The following ZNF808 variants were observed in gnomAD, a reference collection of about 807,000 sequenced individuals.
ZNF808 encodes the protein zinc finger protein 808.
Under a neutral mutation model 8.7 loss-of-function variants are expected in ZNF808, and 5 were observed. That is an observed-to-expected ratio of 0.58 (90% confidence interval 0.30 to 1.21). The LOEUF (loss-of-function observed/expected upper bound fraction) is 1.21, where lower values mean the gene tolerates loss of function less well. Among genes scored for constraint, ZNF808 ranks in the 50% most tolerant of loss-of-function variants. ZNF808 has a pLI of 0.07. For synonymous variants in ZNF808, 380 were observed against 366.0 expected (o/e 1.04, Z -0.44); for missense variants, 1,103 against 1,098.4 (o/e 1.00, Z -0.06).
rs2059806169 is a variant in ZNF808, at chr19:52,554,029, C to G, written c.1113C>G (p.Tyr371Ter). 2 of 1,614,088 alleles carry G rather than the reference C, an allele frequency of 1.2e-6. No homozygotes were observed. The highest frequency in any genetic ancestry group is 1.7e-6 in the Non-Finnish European group (2 of 1,180,006). The change falls in exon 5 of 5, where the codon TAC becomes TAG. Residue 371 changes from tyrosine to a stop codon, truncating the protein, a stop_gained. Transcript: ENST00000359798. LOFTEE classifies it low-confidence loss of function (END_TRUNC). ...GACTTCATACTGGAGTGAAACCTTA[C>G]AAATGTAAGATTTGTGAGAAGGCTT... Reference protein sequence around the residue: ...HQRLHTGVKPYKCKICEKAFA... With the variant: ...HQRLHTGVKP
chr19:52,557,029 G>A (rs1212026253), downstream of ZNF808, among the ~76,000 whole-genome samples: 2 of 152,066 alleles, frequency 1.3e-5, no homozygotes, highest in Non-Finnish European at 2.9e-5. Flanking sequence ...ATGGAGTGCA[G>A]TGGTGCGATC....
chr19:52,549,649 G>T (rs377418), intron 4 of ZNF808, among the ~76,000 whole-genome samples: 1 of 151,244 alleles, frequency 6.6e-6, no homozygotes, highest in Non-Finnish European at 1.5e-5. Context: ...TTCCCACAGA[G>T]GTGCATGCAC....
chr19:52,532,554 A>G (rs55753173), intron 1 of ZNF808, among the ~76,000 whole-genome samples: 6,280 of 152,240 alleles, frequency 0.041, 403 homozygotes, highest in African/African-American at 0.14. Flanking sequence ...GATATTGTGT[A>G]AATATGAAGG....
At chr19:52,542,810 G>GT (rs1026883055) in intron 2 of ZNF808, among the ~76,000 whole-genome samples, 4 of 151,592 alleles carry the variant, frequency 2.6e-5, no homozygotes, top group Admixed American at 2.0e-4. Context: ...AATCTTTTGA[G>GT]TTTCCTTTTT....
At chr19:52,548,704 C>T (rs1473068939) in intron 4 of ZNF808, among the ~76,000 whole-genome samples, 1 of 152,178 alleles carries the variant, frequency 6.6e-6, no homozygotes, top group East Asian at 1.9e-4. Context: ...GGATTACAGG[C>T]ATGAGCCACA....
Position 52,564,074 on chromosome 19 carries a change from T to C in ZNF808, c.*1179T>C, listed in dbSNP as rs541820109. ...GGTGTGTGCTTGACTCCACTTCTTG[T>C]CATGTCTTCTCACAAGACTTTCAGG... On this transcript the variant is annotated 3_prime_UTR_variant and NMD_transcript_variant, in exon 4 of 4. Coordinates refer to the ZNF808 transcript ENST00000487863. 3.0e-5 allele frequency: 19 copies of C among 633,566 alleles called. No individual in the cohort carries two copies. The East Asian group carries it at 5.9e-4, about 20-fold the overall frequency. 39.2% of individuals were successfully genotyped at this position (633,566 alleles called of 1,614,324 possible). A position where few individuals can be genotyped will look rare whatever the true frequency, so the allele number is the denominator to read the frequency against.
rs764936157 is a variant in ZNF808 at position 52,553,840 on chromosome 19, T to G, written c.924T>G (p.Leu308=). 1.3e-5 allele frequency: 21 copies of G among 1,614,122 alleles called. No homozygotes were observed. Among genetic ancestry groups the G allele is most frequent in the African/African-American group, 2.7e-5 (2 of 75,008 alleles). The change falls in exon 5 of 5, where the codon CTT becomes CTG. Residue 308 remains leucine (L), a synonymous_variant. Transcript: ENST00000359798. The stretch of plus-strand genomic sequence containing the variant: ...CATCCCTTACATGCCATCATAGACT[T>G]CATACTGGAGTAAAACCTTACAAGT... ...YKSSLTCHHR[L]HTGVKPYKCN... is the part of the protein sequence containing the mutation.
chr19:52,554,580 C>T lies in ZNF808; in HGVS notation c.1664C>T (p.Ala555Val), dbSNP rs2059814956. 3 of 1,613,452 alleles carry T rather than the reference C, an allele frequency of 1.9e-6. No homozygotes were observed. The highest frequency in any genetic ancestry group is 2.5e-6 in the Non-Finnish European group (3 of 1,179,710). ...NKVFMRNSVLAVHTRIHTAKK... is the reference protein window; with the variant it reads ...NKVFMRNSVLVVHTRIHTAKK... ...GTTTTCATGCGTAATTCAGTCCTGGCTGTACATACTAGAATTCACACTGCA... is the reference window on the plus strand; with the variant it reads ...GTTTTCATGCGTAATTCAGTCCTGGTTGTACATACTAGAATTCACACTGCA... The change falls in exon 5 of 5, where the codon GCT becomes GTT. Residue 555 changes from alanine to valine, a missense_variant. By Grantham distance (64) the Ala-to-Val change is moderately conservative. Coordinates refer to ENST00000359798, the MANE Select transcript of ZNF808 (RefSeq NM_001039886.4).
At chr19:52,535,464 G>A (rs2059598651) in intron 2 of ZNF808, among the ~76,000 whole-genome samples, 2 of 151,668 alleles carry the variant, frequency 1.3e-5, no homozygotes, top group South Asian at 2.1e-4. Context: ...CGATTCTCCC[G>A]CCGCTGCTTC....
At chr19:52,558,087 CTTT>C (rs11410246), downstream of ZNF808, among the ~76,000 whole-genome samples, 2 of 44,296 alleles carry the variant, frequency 4.5e-5, no homozygotes, top group Non-Finnish European at 8.8e-5. Context: ...TTCTTTCTTT[CTTT>C]TTTTTTTTTT....
chr19:52,564,598 C>G (rs139683005), downstream of ZNF808: 17 of 162,774 alleles, frequency 1.0e-4, no homozygotes, highest in African/African-American at 3.8e-4. Flanking sequence ...ATCTTCTCAT[C>G]TTCCCTAACC....
chr19:52,542,962 G>T lies in ZNF808; in HGVS notation c.-19-304G>T, dbSNP rs116770840. 5.0e-3 allele frequency among the ~76,000 whole-genome samples: 762 copies of T among 151,416 alleles called. 8 individuals are homozygous for T. Among genetic ancestry groups the T allele is most frequent in the African/African-American group, 0.017 (702 of 41,062 alleles). On this transcript the variant is annotated intron_variant, in intron 2 of 4. Coordinates refer to ENST00000359798, the MANE Select transcript of ZNF808 (RefSeq NM_001039886.4). The stretch of plus-strand genomic sequence containing the variant: ...TAGGTGCCCAGATCTTTTTTTTGGG[G>T]GGGGGGTGGAGGCTTTGATCAGGGA...
intron 1 of ZNF808, among the ~76,000 whole-genome samples, chr19:52,530,644 C>T (rs192458659): frequency 1.2e-3 from 169 of 145,860 alleles, no homozygotes; most frequent in Non-Finnish European, 1.9e-3. Context: ...GGCTGGGCAA[C>T]GGAGCTAGAC....
At chr19:52,536,562 T>C (rs1427536113) in intron 2 of ZNF808, among the ~76,000 whole-genome samples, 2 of 152,150 alleles carry the variant, frequency 1.3e-5, no homozygotes, top group African/African-American at 2.4e-5. Context: ...CAGTCACCGC[T>C]TCCCCTGAAC....
intron 4 of ZNF808, 101 bp downstream of exon 4, chr19:52,547,739 GT>G (rs1300723717): frequency 0.15 from 144,634 of 977,018 alleles, 324 homozygotes; most frequent in Non-Finnish European, 0.16. Flanking sequence ...ATCCATGCTG[GT>G]TTTTTTTTTT....
intron 2 of ZNF808, 23 bp from the exon 3 acceptor site, chr19:52,543,243 G>A (rs781256874): frequency 1.9e-6 from 3 of 1,609,472 alleles, no homozygotes; most frequent in East Asian, 4.5e-5. Flanking sequence ...CTAACATGAA[G>A]TCTTATTTTT....
chr19:52,557,163 G>T (rs1314467449), downstream of ZNF808, among the ~76,000 whole-genome samples: 1 of 151,936 alleles, frequency 6.6e-6, no homozygotes, highest in African/African-American at 2.4e-5. Context: ...TAGAGACAGG[G>T]TTTCACCATG....
At chr19:52,545,034 G>A (rs1224098304) in intron 3 of ZNF808, among the ~76,000 whole-genome samples, 11 of 152,122 alleles carry the variant, frequency 7.2e-5, no homozygotes, top group South Asian at 2.1e-4. Flanking sequence ...TGTTCACCTC[G>A]GCCTCCCAAA....
At position 52,547,587 on chromosome 19, in the gene ZNF808, G is replaced by T. The variant is rs1448488714; in HGVS notation, c.139G>T (p.Ala47Ser). Residue 47 changes from alanine (A) to serine (S), a missense_variant, in exon 4 of 5, where the codon GCT becomes TCT. By Grantham distance (99) the Ala-to-Ser change is moderately conservative. Transcript: ENST00000359798. The stretch of plus-strand genomic sequence containing the variant: ...GAAATTCCTGAACCCTGCACAGAGG[G>T]CTTTGTACAGGGAAGTGATGTTGGA... ...EWKFLNPAQR[A>S]LYREVMLENY... 6.2e-7 allele frequency: 1 copy of T among 1,613,968 alleles called. No individual in the cohort carries two copies. The highest frequency in any genetic ancestry group is 8.5e-7 in the Non-Finnish European group (1 of 1,180,020).
Sources: allele counts gnomAD v4.1 joint callset (sites outside exome capture counted in the v4.1 genomes callset), GRCh38; gene constraint gnomAD v4.1.1; transcripts MANE v1.5; gene names NCBI Gene and HGNC (gene_info 2026-07-23, HGNC 2026-07-21).